The following BTBD10 variants were observed in gnomAD, a reference collection of about 807,000 sequenced individuals.
BTBD10 encodes BTB domain containing 10, also known as BTB/POZ domain-containing protein 10.
A neutral mutation model predicts 53.2 loss-of-function variants in BTBD10; 21 were observed. The observed-to-expected ratio is 0.39, with a 90% confidence interval of 0.28 to 0.57. BTBD10 has a LOEUF of 0.57. BTBD10 is among the 20% of genes least tolerant of loss of function. BTBD10 has a pLI of 0.53. For missense variants in BTBD10, 360 were observed against 594.7 expected (o/e 0.61, Z 4.10); for synonymous variants, 149 against 192.7 (o/e 0.77, Z 1.88).
intron 6 of BTBD10, among the ~76,000 whole-genome samples, chr11:13,406,865 AGGCT>A (rs1280154967): frequency 2.7e-5 from 4 of 148,458 alleles, no homozygotes; most frequent in African/African-American, 2.5e-5. Flanking sequence ...GTCTCTCTCC[AGGCT>A]GGCTATTTCC....
intron 2 of BTBD10, among the ~76,000 whole-genome samples, chr11:13,442,254 G>A (rs1950668674): frequency 6.6e-6 from 1 of 152,084 alleles, no homozygotes; most frequent in Non-Finnish European, 1.5e-5. Flanking sequence ...AGTAGGAGAG[G>A]CATGATGAAA....
intron 2 of BTBD10, among the ~76,000 whole-genome samples, chr11:13,444,120 G>A (rs1056909359): frequency 1.7e-4 from 26 of 151,768 alleles, no homozygotes; most frequent in African/African-American, 6.3e-4. Context: ...ATATTATCAG[G>A]AGACTTAAAA....
At chr11:13,460,496 A>G (rs1398540909) in intron 1 of BTBD10, among the ~76,000 whole-genome samples, 3 of 152,216 alleles carry the variant, frequency 2.0e-5, no homozygotes, top group Admixed American at 2.0e-4. Context: ...ATTAATGGGT[A>G]AATGAGGCTT....
intron 2 of BTBD10, among the ~76,000 whole-genome samples, chr11:13,427,712 A>G (rs1950367988): frequency 6.6e-6 from 1 of 152,180 alleles, no homozygotes; most frequent in Non-Finnish European, 1.5e-5. Flanking sequence ...CTCAAGATAG[A>G]TCATATTTTG....
At chr11:13,420,666 C>G (rs1196998361) in intron 3 of BTBD10, among the ~76,000 whole-genome samples, 1 of 152,092 alleles carries the variant, frequency 6.6e-6, no homozygotes, top group Non-Finnish European at 1.5e-5. Context: ...ACACTCTGTA[C>G]AGCATTATTG....
At chr11:13,391,263 C>T (rs1949399442) in intron 8 of BTBD10, among the ~76,000 whole-genome samples, 1 of 152,146 alleles carries the variant, frequency 6.6e-6, no homozygotes, top group African/African-American at 2.4e-5. Context: ...ATTAAGCTTT[C>T]CCCAAACATG....
chr11:13,411,633 T>C (rs1166872468), intron 6 of BTBD10, among the ~76,000 whole-genome samples: 2 of 152,152 alleles, frequency 1.3e-5, no homozygotes, highest in East Asian at 3.9e-4. Context: ...TACTTAGTAG[T>C]AATGACAAGG....
intron 1 of BTBD10, 44 bp from the exon 2 acceptor site, chr11:13,445,225 G>C: frequency 1.4e-6 from 1 of 691,482 alleles, no homozygotes; most frequent in Admixed American, 2.4e-5. Context: ...ATTCCACGCA[G>C]AATAAAATAG....
In BTBD10 at chr11:13,388,797, G is replaced by A. The variant is rs776041284; in HGVS notation, c.*34C>T. On this transcript the variant is annotated 3_prime_UTR_variant, in exon 9 of 9. Transcript: ENST00000278174. ...GAGGAGAGTACAACGTCACTGTGAAGAGTAGCATGCTATGGTTTCAAGGAA... is the reference window on the plus strand; with the variant it reads ...GAGGAGAGTACAACGTCACTGTGAAAAGTAGCATGCTATGGTTTCAAGGAA... The A allele has an allele frequency of 1.5e-5, 24 of 1,582,058 alleles. No individual in the cohort carries two copies. Among genetic ancestry groups the A allele is most frequent in the Non-Finnish European group, 2.0e-5 (23 of 1,162,062 alleles).
intron 1 of BTBD10, chr11:13,462,713 C>T (rs1181189217): frequency 6.6e-6 from 1 of 152,316 alleles, no homozygotes; most frequent in Admixed American, 6.5e-5. Flanking sequence ...ACCACCTTAT[C>T]CCCTATTGTG....
At chr11:13,436,267 A>G (rs76734930) in intron 2 of BTBD10, among the ~76,000 whole-genome samples, 2,397 of 152,276 alleles carry the variant, frequency 0.016, 63 homozygotes, top group African/African-American at 0.055. Flanking sequence ...ACCCAAGTTC[A>G]GGGTTTTGGG....
intron 1 of BTBD10, among the ~76,000 whole-genome samples, chr11:13,454,304 T>G: frequency 6.6e-6 from 1 of 152,168 alleles, no homozygotes; most frequent in East Asian, 1.9e-4. Context: ...GAAATACATA[T>G]CAAGATAGTG....
At chr11:13,395,387 GTTGT>G (rs556477957) in intron 8 of BTBD10, among the ~76,000 whole-genome samples, 1 of 151,632 alleles carries the variant, frequency 6.6e-6, no homozygotes, top group African/African-American at 2.4e-5. Flanking sequence ...TTTTGATGGG[GTTGT>G]TTTTTTCTTG....
chr11:13,420,886 G>T (rs1473200452), intron 3 of BTBD10, among the ~76,000 whole-genome samples: 1 of 152,058 alleles, frequency 6.6e-6, no homozygotes, highest in African/African-American at 2.4e-5. Context: ...GTTGATGTCT[G>T]GCTTATAAGT....
At chr11:13,433,514 A>G (rs1316488470) in intron 2 of BTBD10, among the ~76,000 whole-genome samples, 2 of 152,238 alleles carry the variant, frequency 1.3e-5, no homozygotes, top group Admixed American at 6.5e-5. Flanking sequence ...TTTTTAAACT[A>G]AAGCTTTTAA....
rs1390582326 is a variant in BTBD10 at position 13,421,802 on chromosome 11, G to A, written c.138C>T (p.His46=). 6.2e-7 allele frequency: 1 copy of A among 1,613,514 alleles called. No homozygotes were observed. The highest frequency in any genetic ancestry group is 8.5e-7 in the Non-Finnish European group (1 of 1,179,780). ...TAGCACCATGTAGACTCATTTTGGT[G>A]TGGTCAACTCCTCCTTTAGCAATAC... The part of the protein sequence containing the change: ...SSRIAKGGVD[H]TKMSLHGASG... Residue 46 remains histidine, a synonymous_variant, in exon 3 of 9, where the codon CAC becomes CAT. Transcript: ENST00000278174.
chr11:13,405,040 C>T (rs960412706), intron 7 of BTBD10, among the ~76,000 whole-genome samples: 1 of 151,888 alleles, frequency 6.6e-6, no homozygotes, highest in Non-Finnish European at 1.5e-5. Flanking sequence ...GTCAGAAATA[C>T]TAATATTGGG....
intron 8 of BTBD10, among the ~76,000 whole-genome samples, chr11:13,393,965 G>A (rs1949471111): frequency 6.6e-6 from 1 of 152,152 alleles, no homozygotes; most frequent in African/African-American, 2.4e-5. Context: ...TCACTAGGTA[G>A]AGGAAAGCTG....
At chr11:13,455,400 T>A (rs187373326) in intron 1 of BTBD10, among the ~76,000 whole-genome samples, 3 of 152,332 alleles carry the variant, frequency 2.0e-5, no homozygotes, top group Admixed American at 2.0e-4. Flanking sequence ...AACACTTCAA[T>A]AAATGAAGTG....
Sources: allele counts gnomAD v4.1 joint callset (sites outside exome capture counted in the v4.1 genomes callset), GRCh38; gene constraint gnomAD v4.1.1; transcripts MANE v1.5; gene names NCBI Gene and HGNC (gene_info 2026-07-23, HGNC 2026-07-21).